The following L3MBTL1 variants were observed in gnomAD, a reference collection of about 807,000 sequenced individuals.
The protein encoded by L3MBTL1 is lethal(3)malignant brain tumor-like protein 1.
A neutral mutation model predicts 105.3 loss-of-function variants in L3MBTL1; 75 were observed. That is an observed-to-expected ratio of 0.71 (90% CI 0.59 to 0.86). L3MBTL1 has a LOEUF of 0.86. L3MBTL1 is among the 40% of genes least tolerant of loss of function. L3MBTL1 has a pLI of 0.00. For missense variants in L3MBTL1, 1,069 were observed against 1,126.4 expected, an observed-to-expected ratio of 0.95 and a Z score of 0.73; for synonymous variants, 452 against 436.2, an observed-to-expected ratio of 1.04 and a Z score of -0.45.
At chr20:43,516,316 A>C in intron 7 of L3MBTL1, 139 bp downstream of exon 7, 1 of 667,938 alleles carries the variant, frequency 1.5e-6, no homozygotes, top group Non-Finnish European at 2.7e-6. Context: ...TGTGAAAGAG[A>C]GAGAGACAGT....
At chr20:43,509,692 C>T (rs1303115546) in intron 1 of L3MBTL1, among the ~76,000 whole-genome samples, 1 of 152,210 alleles carries the variant, frequency 6.6e-6, no homozygotes. Context: ...CTACTTGGTC[C>T]TCCCATGCTT....
At chr20:43,540,873 G>T (rs376115243) in intron 21 of L3MBTL1, 58 bp downstream of exon 21, 7 of 1,612,168 alleles carry the variant, frequency 4.3e-6, no homozygotes, top group Non-Finnish European at 5.9e-6. Context: ...TAAGACGGCA[G>T]GAAGCAGGTG....
Position 43,534,838 on chromosome 20 carries a change from A to G in L3MBTL1, c.1721A>G (p.Asp574Gly), listed in dbSNP as rs1298712942. 3.1e-6 allele frequency: 5 copies of G among 1,609,062 alleles called. No individual in the cohort carries two copies. Among genetic ancestry groups the G allele is most frequent in the Non-Finnish European group, 3.4e-6 (4 of 1,178,766 alleles). ...VEDHRIKIHF[D>G]GWSHGYDFWI... ...GCCTTTCCTCCCCAGATCCACTTTG[A>G]TGGCTGGAGTCATGGCTATGATTTC... Residue 574 changes from aspartate (D) to glycine (G), a missense_variant, in exon 16 of 22, where the codon GAT becomes GGT. By Grantham distance (94) the Asp-to-Gly change is moderately conservative. Coordinates refer to ENST00000418998, the MANE Select transcript of L3MBTL1 (RefSeq NM_001377303.1).
At chr20:43,510,311 G>T (rs2018097389) in intron 1 of L3MBTL1, among the ~76,000 whole-genome samples, 1 of 151,572 alleles carries the variant, frequency 6.6e-6, no homozygotes, top group African/African-American at 2.4e-5. Context: ...AACTCTAAAG[G>T]TATTTAAAAT....
chr20:43,537,266 T>A (rs1269988151), intron 19 of L3MBTL1, among the ~76,000 whole-genome samples: 6 of 152,236 alleles, frequency 3.9e-5, no homozygotes, highest in Non-Finnish European at 2.9e-5. Flanking sequence ...TAGAAATTTA[T>A]TTTCCACAGT....
chr20:43,548,810 C>G (rs1978800806), exon 19 of L3MBTL1: 1 of 152,270 alleles, frequency 6.6e-6, no homozygotes, highest in Non-Finnish European at 1.5e-5. Flanking sequence ...TGGCTCTTCC[C>G]CCTGAGATAT....
exon 19 of L3MBTL1, chr20:43,549,697 AC>A (rs904434361): frequency 6.6e-6 from 1 of 151,404 alleles, no homozygotes; most frequent in African/African-American, 2.4e-5. Flanking sequence ...CTTCACCCAG[AC>A]CCCTTCAATC....
intron 18 of L3MBTL1, among the ~76,000 whole-genome samples, chr20:43,546,940 A>G (rs1454178129): frequency 6.6e-6 from 1 of 152,052 alleles, no homozygotes; most frequent in African/African-American, 2.4e-5. Context: ...ATATCATCCA[A>G]TACCCAGTCT....
chr20:43,536,370 A>G (rs370739608), intron 18 of L3MBTL1, 39 bp from the exon 19 acceptor site: 406 of 1,613,564 alleles, frequency 2.5e-4, no homozygotes, highest in Non-Finnish European at 3.2e-4. Context: ...TGGGCCAGAC[A>G]CTGATTCCCT....
At chr20:43,535,986 T>A in intron 17 of L3MBTL1, 50 bp downstream of exon 17, 1 of 1,589,184 alleles carries the variant, frequency 6.3e-7, no homozygotes, top group Non-Finnish European at 8.6e-7. Flanking sequence ...TTGCACTTAC[T>A]GCATGCAGGC....
chr20:43,541,330 T>C lies in L3MBTL1; in HGVS notation c.*202T>C. On this transcript the variant is annotated 3_prime_UTR_variant, in exon 22 of 22. Coordinates refer to ENST00000418998, the MANE Select transcript of L3MBTL1 (RefSeq NM_001377303.1). ...CCCAGTTCTGTCAATTTGAGCTGTT[T>C]ACTGTCTCTGAGCCTACATCTTCTT... 1 of 1,014,336 alleles carries C rather than the reference T, an allele frequency of 9.9e-7. No homozygotes were observed. Among genetic ancestry groups the C allele is most frequent in the Non-Finnish European group, 1.4e-6 (1 of 725,596 alleles). The allele number at this position is 1,014,336 out of a possible 1,614,324, so 62.8% of individuals were successfully genotyped here. A position where few individuals can be genotyped will look rare whatever the true frequency, so the allele number is the denominator to read the frequency against.
chr20:43,515,535 CTCA>C, intron 6 of L3MBTL1, 120 bp downstream of exon 6: 9 of 1,343,228 alleles, frequency 6.7e-6, no homozygotes, highest in Middle Eastern at 4.8e-4. Flanking sequence ...TAATGACTCA[CTCA>C]TCATATTTTG....
chr20:43,547,670 T>C (rs6103377), intron 18 of L3MBTL1, among the ~76,000 whole-genome samples: 118,146 of 152,082 alleles, frequency 0.78, 46,076 homozygotes, highest in East Asian at 0.9. Flanking sequence ...TGCCTCATGT[T>C]GGAATGCACA....
At chr20:43,546,307 G>A (rs1600972554), downstream of L3MBTL1, among the ~76,000 whole-genome samples, 1 of 152,206 alleles carries the variant, frequency 6.6e-6, no homozygotes, top group East Asian at 1.9e-4. Context: ...GGGCAGCATT[G>A]CCCCCTGAGC....
chr20:43,517,816 G>A (rs1246950606), intron 7 of L3MBTL1, among the ~76,000 whole-genome samples: 1 of 152,126 alleles, frequency 6.6e-6, no homozygotes, highest in Non-Finnish European at 1.5e-5. Flanking sequence ...AGCTGGAGGA[G>A]CCCAATCTGC....
chr20:43,514,734 G>C lies in L3MBTL1; in HGVS notation c.460G>C (p.Gly154Arg), dbSNP rs1403290850. Residue 154 changes from glycine (G) to arginine (R), a missense_variant, in exon 4 of 22, where the codon GGG (glycine) becomes CGG (arginine). Transcript: ENST00000418998. Reference protein sequence around the residue: ...QEGVTEYEDGGAPAGDGEAGP... With the variant: ...QEGVTEYEDGRAPAGDGEAGP... ...AGGCGTGACCGAATACGAAGATGGCGGGGCCCCGGCGGGAGATGGCGAGGC... is the reference window on the plus strand; with the variant it reads ...AGGCGTGACCGAATACGAAGATGGCCGGGCCCCGGCGGGAGATGGCGAGGC... 2.5e-6 allele frequency: 4 copies of C among 1,572,792 alleles called. No individual in the cohort carries two copies. Among genetic ancestry groups the C allele is most frequent in the Non-Finnish European group, 3.5e-6 (4 of 1,159,084 alleles).
In L3MBTL1 at chr20:43,532,812, G is replaced by A. The variant is rs781278259; in HGVS notation, c.1324G>A (p.Glu442Lys). 2 of 1,614,214 alleles carry A rather than the reference G, an allele frequency of 1.2e-6. No homozygotes were observed. The highest frequency in any genetic ancestry group is 4.5e-5 in the East Asian group (2 of 44,878). The part of the protein sequence containing the change: ...PLGFQVGMKL[E>K]AVDRMNPSLV... ...GGGCTTCCAGGTGGGCATGAAGCTG[G>A]AGGCTGTTGACCGCATGAACCCGTC... The change falls in exon 12 of 22, where the codon GAG (glutamate) becomes AAG (lysine). Residue 442 changes from glutamate to lysine, a missense_variant. By Grantham distance (56) the Glu-to-Lys change is moderately conservative. Coordinates refer to ENST00000418998, the MANE Select transcript of L3MBTL1 (RefSeq NM_001377303.1).
chr20:43,546,037 C>T (rs1237609342), downstream of L3MBTL1, among the ~76,000 whole-genome samples: 1 of 152,218 alleles, frequency 6.6e-6, no homozygotes, highest in Admixed American at 6.5e-5. Flanking sequence ...CCCTGGTGGT[C>T]CTGGAAGGCA....
chr20:43,535,896 C>G lies in L3MBTL1; in HGVS notation c.1885C>G (p.Leu629Val). ...GGCPPLSYRSLPHTRTSKYSF... is the reference protein window; with the variant it reads ...GGCPPLSYRSVPHTRTSKYSF... ...CTGTCCCCCTCTCAGCTATAGGAGC[C>G]TGCCCCACACTAGGACCTCCAAATA... The change falls in exon 17 of 22, where the codon CTG becomes GTG. Residue 629 changes from leucine (L) to valine (V), a missense_variant. Physicochemically the swap from Leu to Val is conservative, Grantham distance 32 (BLOSUM62 1). Coordinates refer to ENST00000418998, the MANE Select transcript of L3MBTL1 (RefSeq NM_001377303.1). The G allele has an allele frequency of 6.2e-7, 1 of 1,613,482 alleles. No individual in the cohort carries two copies. The highest frequency in any genetic ancestry group is 8.5e-7 in the Non-Finnish European group (1 of 1,179,742).
Sources: gnomAD v4.1 joint callset for allele counts (sites outside exome capture counted in the v4.1 genomes callset) on GRCh38, gnomAD v4.1.1 for gene constraint, MANE v1.5 for transcripts, NCBI Gene and HGNC (gene_info 2026-07-23, HGNC 2026-07-21) for gene names.